CACNB2: variants seen among roughly 807,000 people sequenced by gnomAD.
The protein encoded by CACNB2 is calcium voltage-gated channel auxiliary subunit beta 2.
CACNB2 carries 42 observed loss-of-function variants against 73.3 expected under a neutral mutation model. That is an observed-to-expected ratio of 0.57 (90% CI 0.45 to 0.74). The LOEUF is 0.74. Among genes scored for constraint, CACNB2 ranks in the 30% least tolerant of loss-of-function variants. The pLI is 0.00. For synonymous variants in CACNB2, 348 were observed against 310.3 expected (o/e 1.12, Z -1.28); for missense variants, 940 against 853.0 (o/e 1.10, Z -1.27).
intron 2 of CACNB2, among the ~76,000 whole-genome samples, chr10:18,249,372 T>C (rs546098181): frequency 6.6e-6 from 1 of 151,782 alleles, no homozygotes; most frequent in South Asian, 2.1e-4. Flanking sequence ...TTCTTACCTG[T>C]AATACCTCCT....
At chr10:18,203,697 T>C (rs967250719) in intron 2 of CACNB2, among the ~76,000 whole-genome samples, 1 of 152,128 alleles carries the variant, frequency 6.6e-6, no homozygotes, top group Non-Finnish European at 1.5e-5. Flanking sequence ...ATTACATATA[T>C]GGTAATGAAG....
At chr10:18,371,128 T>C (rs1691821014) in intron 2 of CACNB2, among the ~76,000 whole-genome samples, 1 of 152,310 alleles carries the variant, frequency 6.6e-6, no homozygotes, top group African/African-American at 2.4e-5. Context: ...TTAAAAATAG[T>C]TATTTGATAG....
chr10:18,270,847 C>A (rs907353078), intron 2 of CACNB2, among the ~76,000 whole-genome samples: 5 of 152,122 alleles, frequency 3.3e-5, no homozygotes, highest in African/African-American at 1.2e-4. Context: ...CTCTGTTGCC[C>A]AGCAAGAATG....
At chr10:18,497,481 G>A (rs751714023) in intron 3 of CACNB2, among the ~76,000 whole-genome samples, 4 of 152,056 alleles carry the variant, frequency 2.6e-5, no homozygotes, top group Non-Finnish European at 4.4e-5. Flanking sequence ...GTGCAGTCGC[G>A]TGATCATGGC....
At chr10:18,171,448 C>T (rs528716949) in intron 2 of CACNB2, among the ~76,000 whole-genome samples, 1 of 144,302 alleles carries the variant, frequency 6.9e-6, no homozygotes, top group Non-Finnish European at 1.5e-5. Context: ...ATAACCCAAA[C>T]CAGATTTCCC....
intron 2 of CACNB2, among the ~76,000 whole-genome samples, chr10:18,372,899 T>C (rs1207546881): frequency 2.0e-5 from 3 of 152,246 alleles, no homozygotes; most frequent in Non-Finnish European, 4.4e-5. Flanking sequence ...CTATTACTCT[T>C]AGTCCTTGGT....
chr10:18,186,068 T>C (rs907942157), intron 2 of CACNB2, among the ~76,000 whole-genome samples: 3 of 152,206 alleles, frequency 2.0e-5, no homozygotes, highest in Admixed American at 6.5e-5. Context: ...ATGGAAGTTA[T>C]CTTTGGAATG....
chr10:18,227,974 G>A (rs1379032421), intron 2 of CACNB2, among the ~76,000 whole-genome samples: 5 of 152,134 alleles, frequency 3.3e-5, no homozygotes, highest in East Asian at 1.9e-4. Context: ...GCTGTCTTCA[G>A]TGCATGCTCT....
In CACNB2 at chr10:18,145,179, AG is replaced by A. The variant is rs542827079; in HGVS notation, c.120+4324del. 2.0e-4 allele frequency among the ~76,000 whole-genome samples: 30 copies of A among 152,374 alleles called. 1 individual carries two copies. In the South Asian group the frequency reaches 6.0e-3, roughly 31 times the overall value. ...CTTTTCAAGCATGTTGTGGTAATAC[AG>A]CCTGGTGATGGCAACATCCTGAATG... On this transcript the variant is annotated intron_variant, in intron 1 of 13. Transcript: ENST00000324631.
chr10:18,153,357 C>A (rs568019444), intron 2 of CACNB2, among the ~76,000 whole-genome samples: 1 of 152,046 alleles, frequency 6.6e-6, no homozygotes, highest in African/African-American at 2.4e-5. Flanking sequence ...GGAAAACTAG[C>A]GTCTTTGGCA....
At chr10:18,157,294 T>A (rs1588571870) in intron 2 of CACNB2, among the ~76,000 whole-genome samples, 1 of 152,224 alleles carries the variant, frequency 6.6e-6, no homozygotes, top group Admixed American at 6.5e-5. Context: ...CCAGGCTACA[T>A]GAGTCTGAAT....
intron 3 of CACNB2, among the ~76,000 whole-genome samples, chr10:18,495,203 T>C (rs947476782): frequency 1.3e-5 from 2 of 151,436 alleles, no homozygotes; most frequent in Admixed American, 1.3e-4. Flanking sequence ...GGGTGAATGG[T>C]GAATGGTTGA....
chr10:18,498,259 A>G (rs2049956874), intron 3 of CACNB2, 96 bp from the exon 4 acceptor site: 2 of 1,430,440 alleles, frequency 1.4e-6, no homozygotes, highest in African/African-American at 2.8e-5. Context: ...AACAATGATT[A>G]CAGTAGTTAT....
At chr10:18,162,084 C>G (rs1465249590) in intron 2 of CACNB2, among the ~76,000 whole-genome samples, 1 of 152,068 alleles carries the variant, frequency 6.6e-6, no homozygotes, top group East Asian at 1.9e-4. Flanking sequence ...TTTTCTCTCT[C>G]ATATTTAAAA....
chr10:18,471,667 A>G (rs1393191967), intron 3 of CACNB2, among the ~76,000 whole-genome samples: 1 of 152,164 alleles, frequency 6.6e-6, no homozygotes, highest in African/African-American at 2.4e-5. Flanking sequence ...TGTCTCTACC[A>G]CATGTAACTA....
chr10:18,249,560 C>G (rs1293952286), intron 2 of CACNB2, among the ~76,000 whole-genome samples: 3 of 152,162 alleles, frequency 2.0e-5, no homozygotes, highest in Admixed American at 6.5e-5. Context: ...CCCCCAATGA[C>G]TTCACTTGAG....
At chr10:18,290,106 C>CTTTTTTT (rs2038998237) in intron 2 of CACNB2, among the ~76,000 whole-genome samples, 4 of 40,058 alleles carry the variant, frequency 1.0e-4, no homozygotes, top group Non-Finnish European at 2.3e-4. Context: ...TTTCTTTTTT[C>CTTTTTTT]TTTTTCTTTT....
intron 2 of CACNB2, among the ~76,000 whole-genome samples, chr10:18,162,760 G>A (rs74120238): frequency 0.15 from 22,266 of 152,150 alleles, 1,739 homozygotes; most frequent in South Asian, 0.17. Flanking sequence ...TCAGCCATTC[G>A]TGAACCTGGA....
intron 3 of CACNB2, among the ~76,000 whole-genome samples, chr10:18,415,475 A>G (rs996900893): frequency 6.6e-6 from 1 of 151,982 alleles, no homozygotes; most frequent in Non-Finnish European, 1.5e-5. Context: ...CTTAAAAAAA[A>G]AAAAACAAAG....
Sources: gnomAD v4.1 joint callset for allele counts (sites outside exome capture counted in the v4.1 genomes callset) on GRCh38, gnomAD v4.1.1 for gene constraint, MANE v1.5 for transcripts, NCBI Gene and HGNC (gene_info 2026-07-23, HGNC 2026-07-21) for gene names.